MYO6: variants seen among roughly 807,000 people sequenced by gnomAD.
MYO6 encodes unconventional myosin-VI.
MYO6 carries 74 observed loss-of-function variants against 178.7 expected under a neutral mutation model. The ratio of observed to expected loss-of-function variants is 0.41; its 90% CI spans 0.34 to 0.50. MYO6 has a LOEUF of 0.50. Among genes scored for constraint, MYO6 ranks in the 20% least tolerant of loss-of-function variants. The pLI, the probability that MYO6 is intolerant of heterozygous loss-of-function variation, is 0.09. For missense variants in MYO6, 1,330 were observed against 1,547.4 expected, an observed-to-expected ratio of 0.86 and a Z score of 2.36; for synonymous variants, 477 against 504.6, an observed-to-expected ratio of 0.95 and a Z score of 0.73.
intron 1 of MYO6, among the ~76,000 whole-genome samples, chr6:75,759,421 A>G (rs1777755191): frequency 6.6e-6 from 1 of 152,196 alleles, no homozygotes; most frequent in Admixed American, 6.5e-5. Context: ...AGAAATTACC[A>G]GAGCAGAAAG....
Position 75,866,769 on chromosome 6 carries a change from C to T in MYO6, c.1770+148C>T. Reference sequence around the variant, plus strand: ...AAGTTCAATTCCTCAGTACACTAGCCACACTTCAGGTGCCCAGTGTCCACA... The same window carrying T: ...AAGTTCAATTCCTCAGTACACTAGCTACACTTCAGGTGCCCAGTGTCCACA... On this transcript the variant is annotated intron_variant, in intron 17 of 34. Transcript: ENST00000369977. 5 of 1,060,162 alleles carry T rather than the reference C, an allele frequency of 4.7e-6. No individual in the cohort carries two copies. In the South Asian group the frequency reaches 5.3e-5, roughly 11 times the overall value. 65.7% of individuals were successfully genotyped at this position (1,060,162 alleles called of 1,614,324 possible).
chr6:75,895,248 C>G lies in MYO6; in HGVS notation c.3125C>G (p.Pro1042Arg). Residue 1042 changes from proline (P) to arginine (R), a missense_variant, in exon 29 of 35, where the codon CCC becomes CGC. Pro to Arg is a moderately radical substitution (Grantham distance 103). Transcript: ENST00000369977. ...TTTCACAGAAATGATGGAACAAGAC[C>G]CAAAATGACACCGTATGTCACTTAC... ...LALRRNDGTR[P>R]KMTPEQMAKE... 1.9e-6 allele frequency: 3 copies of G among 1,605,884 alleles called. No homozygotes were observed. The highest frequency in any genetic ancestry group is 2.6e-6 in the Non-Finnish European group (3 of 1,173,718).
At position 75,796,501 on chromosome 6, in the gene MYO6, A is replaced by G. The variant is rs72654767; in HGVS notation, c.-47-21000A>G. Among the ~76,000 whole-genome samples the G allele has an allele frequency of 0.013, 2,003 of 152,186 alleles. 75 individuals carry two copies. In the East Asian group the frequency reaches 0.15, roughly 11 times the overall value. On this transcript the variant is annotated intron_variant, in intron 1 of 34. Coordinates refer to ENST00000369977, the MANE Select transcript of MYO6 (RefSeq NM_004999.4). The stretch of plus-strand genomic sequence containing the variant: ...TTGTTACATGGGTATACTGTGTGCT[A>G]CTGAGGTTTAGGGTATAGATGATTT...
chr6:75,903,225 G>T (rs929888931), intron 30 of MYO6, among the ~76,000 whole-genome samples: 2 of 151,736 alleles, frequency 1.3e-5, no homozygotes, highest in African/African-American at 4.8e-5. Flanking sequence ...GGAGAGTTCT[G>T]TAGATGTCTA....
At chr6:75,869,190 T>C (rs755403376) in intron 18 of MYO6, among the ~76,000 whole-genome samples, 1 of 150,496 alleles carries the variant, frequency 6.6e-6, no homozygotes, top group Non-Finnish European at 1.5e-5. Flanking sequence ...TTTTCAGGCA[T>C]GGTGGTTCAG....
intron 15 of MYO6, among the ~76,000 whole-genome samples, chr6:75,861,363 G>C (rs964392891): frequency 2.6e-5 from 4 of 152,140 alleles, no homozygotes; most frequent in Non-Finnish European, 5.9e-5. Flanking sequence ...TTGGTTAAGG[G>C]GGAAACTTAA....
At chr6:75,844,804 C>A in intron 9 of MYO6, 93 bp from the exon 10 acceptor site, 1 of 964,746 alleles carries the variant, frequency 1.0e-6, no homozygotes, top group Non-Finnish European at 1.7e-6. Flanking sequence ...AGAAATTCTT[C>A]ATGGTTGGCA....
At chr6:75,814,496 TG>T (rs1336709888) in intron 1 of MYO6, among the ~76,000 whole-genome samples, 1 of 152,164 alleles carries the variant, frequency 6.6e-6, no homozygotes, top group Admixed American at 6.5e-5. Flanking sequence ...TAAGCCATCT[TG>T]CTCTGTCTCC....
chr6:75,873,370 T>A, intron 20 of MYO6, 70 bp downstream of exon 20: 1 of 1,128,904 alleles, frequency 8.9e-7, no homozygotes, highest in Non-Finnish European at 1.3e-6. Flanking sequence ...GGTTCAGTAT[T>A]TTCAAATAAT....
intron 32 of MYO6, among the ~76,000 whole-genome samples, chr6:75,910,369 A>G (rs1036023917): frequency 6.6e-6 from 1 of 152,184 alleles, no homozygotes; most frequent in African/African-American, 2.4e-5. Context: ...TGGCACACAC[A>G]TTTTAAATTA....
At chr6:75,776,521 C>G (rs552907205) in intron 1 of MYO6, among the ~76,000 whole-genome samples, 2 of 152,264 alleles carry the variant, frequency 1.3e-5, no homozygotes, top group South Asian at 2.1e-4. Flanking sequence ...CAAAATAATA[C>G]AGCGGTTGGC....
In MYO6 at chr6:75,749,302, T is replaced by C; in HGVS notation, c.-169T>C. 6.5e-6 allele frequency: 1 copy of C among 153,054 alleles called. No individual in the cohort carries two copies. The highest frequency in any genetic ancestry group is 1.5e-5 in the Non-Finnish European group (1 of 68,712). The allele number at this position is 153,054 out of a possible 1,614,324, so 9.5% of individuals were successfully genotyped here. ...CTCAGCCCGGCCGCTGTCGCCGCCC[T>C]GTCCTGGTGCCCGTCCGCGTCGTCG... On this transcript the variant is annotated 5_prime_UTR_variant, in exon 1 of 35. Coordinates refer to ENST00000369977, the MANE Select transcript of MYO6 (RefSeq NM_004999.4).
At chr6:75,790,165 A>C (rs1276702457) in intron 1 of MYO6, among the ~76,000 whole-genome samples, 3 of 152,180 alleles carry the variant, frequency 2.0e-5, no homozygotes, top group Middle Eastern at 3.2e-3. Context: ...TTTCTTAAGG[A>C]TAGATGCCTG....
At chr6:75,868,094 C>T (rs1776842748) in intron 18 of MYO6, among the ~76,000 whole-genome samples, 2 of 151,880 alleles carry the variant, frequency 1.3e-5, no homozygotes, top group Admixed American at 1.3e-4. Flanking sequence ...TGTTATGGTA[C>T]TGATAATATA....
In MYO6 at chr6:75,866,586, A is replaced by T. The variant is rs1283383443; in HGVS notation, c.1735A>T (p.Ile579Phe). The T allele has an allele frequency of 2.0e-5, 32 of 1,614,000 alleles. No individual in the cohort carries two copies. Among genetic ancestry groups the T allele is most frequent in the Non-Finnish European group, 2.6e-5 (31 of 1,179,978 alleles). Residue 579 changes from isoleucine to phenylalanine, a missense_variant, in exon 17 of 35, where the codon ATC becomes TTC. Ile to Phe is a conservative substitution (Grantham distance 21). This residue lies in a region of MYO6 where 613 missense variants were observed against 816.8 expected (regional missense o/e 0.75). Coordinates refer to ENST00000369977, the MANE Select transcript of MYO6 (RefSeq NM_004999.4). Reference protein sequence around the residue: ...RNIRDDEGFIIRHFAGAVCYE... With the variant: ...RNIRDDEGFIFRHFAGAVCYE... ...TATCAGAGACGACGAAGGCTTCATTATCAGGCATTTTGCGGGGGCAGTGTG... is the reference window on the plus strand; with the variant it reads ...TATCAGAGACGACGAAGGCTTCATTTTCAGGCATTTTGCGGGGGCAGTGTG...
chr6:75,874,048 T>C (rs544154559), intron 20 of MYO6, among the ~76,000 whole-genome samples: 2 of 152,334 alleles, frequency 1.3e-5, no homozygotes, highest in East Asian at 3.9e-4. Context: ...TTCCTTAAAC[T>C]TTCTTCTCTG....
intron 1 of MYO6, among the ~76,000 whole-genome samples, chr6:75,749,719 A>T (rs1345370530): frequency 6.6e-6 from 1 of 152,146 alleles, no homozygotes; most frequent in Non-Finnish European, 1.5e-5. Flanking sequence ...TCAGGTGCCT[A>T]ACTCGGACTT....
Position 75,891,239 on chromosome 6 carries a change from T to G in MYO6, c.2879T>G (p.Met960Arg). The stretch of plus-strand genomic sequence containing the variant: ...CTATTTTTTATTAGGAAACTTGAGA[T>G]GGAAGCAAAGAGAAAACAAGAAGAA... Reference protein sequence around the residue: ...EEEERRMKLEMEAKRKQEEEE... With the variant: ...EEEERRMKLEREAKRKQEEEE... The change falls in exon 27 of 35, where the codon ATG becomes AGG. Residue 960 changes from methionine (M) to arginine (R), a missense_variant. Physicochemically the swap from Met to Arg is moderately conservative, Grantham distance 91. Around this residue, in one of 3 missense-constraint regions of MYO6, gnomAD observed 601 missense variants for 626.1 expected, o/e 0.96. Coordinates refer to ENST00000369977, the MANE Select transcript of MYO6 (RefSeq NM_004999.4). The G allele has an allele frequency of 6.2e-7, 1 of 1,606,074 alleles. No homozygotes were observed. The highest frequency in any genetic ancestry group is 1.1e-5 in the South Asian group (1 of 90,626).
rs950537024 is a variant in MYO6 at position 75,845,912 on chromosome 6, A to T, written c.897+935A>T. ...TGAGGCAGGAGAATCGCTTGAACCC[A>T]GGAGATAGAGGCTGTTGTAAGTGGA... is the stretch of plus-strand genomic sequence containing the variant. On this transcript the variant is annotated intron_variant, in intron 10 of 34. Coordinates refer to ENST00000369977, the MANE Select transcript of MYO6 (RefSeq NM_004999.4). Among the ~76,000 whole-genome samples, 4 of 151,626 alleles carry T rather than the reference A, an allele frequency of 2.6e-5. No individual in the cohort carries two copies. The East Asian group carries it at 7.7e-4, about 29-fold the overall frequency.
Sources: gnomAD v4.1 joint callset for allele counts (sites outside exome capture counted in the v4.1 genomes callset) on GRCh38, gnomAD v4.1.1 for gene constraint, gnomAD v4.1.1 regional missense constraint, MANE v1.5 for transcripts, NCBI Gene and HGNC (gene_info 2026-07-23, HGNC 2026-07-21) for gene names.